Variants in MKRN2OS observed in about 807,000 individuals in gnomAD.
The protein encoded by MKRN2OS is MKRN2 opposite strand protein.
MKRN2OS carries 17 observed loss-of-function variants against 18.2 expected under a neutral mutation model. The ratio of observed to expected loss-of-function variants is 0.93; its 90% CI spans 0.64 to 1.40. The LOEUF is 1.40. Among genes scored for constraint, MKRN2OS ranks in the 40% most tolerant of loss-of-function variants. MKRN2OS has a pLI of 0.00. For synonymous variants in MKRN2OS, 121 were observed against 108.5 expected, an observed-to-expected ratio of 1.12 and a Z score of -0.72; for missense variants, 337 against 283.0, an observed-to-expected ratio of 1.19 and a Z score of -1.37.
chr3:12,560,640 G>C (rs1029845544), intron 1 of MKRN2OS: 1 of 152,284 alleles, frequency 6.6e-6, no homozygotes, highest in Non-Finnish European at 1.5e-5. Flanking sequence ...TGGTGGTTCT[G>C]TGGCCAGCAG....
chr3:12,557,286 G>GA, intron 1 of MKRN2OS: 28 of 1,400,564 alleles, frequency 2.0e-5, no homozygotes, highest in Non-Finnish European at 2.7e-5. Flanking sequence ...GACTCGGAAA[G>GA]TTACTCGGCT....
At chr3:12,552,155 TA>T (rs2057934124), downstream of MKRN2OS, among the ~76,000 whole-genome samples, 1 of 151,606 alleles carries the variant, frequency 6.6e-6, no homozygotes, top group African/African-American at 2.4e-5. Flanking sequence ...CTGTCTCTAC[TA>T]AAAATACAAA....
At chr3:12,543,072 G>C (rs182969821) in intron 2 of MKRN2OS, 108 bp downstream of exon 2, 1 of 909,360 alleles carries the variant, frequency 1.1e-6, no homozygotes, top group Non-Finnish European at 1.7e-6. Flanking sequence ...CAAGAACCCA[G>C]TGAACAATGG....
At position 12,541,310 on chromosome 3, in the gene MKRN2OS, G is replaced by A. The variant is rs1336333076; in HGVS notation, c.431+550C>T. ...GTGATTTCAGCTCACTGCAACCTCC[G>A]CCTCTTGGTTCAAGTGATTCTCCTG... On this transcript the variant is annotated intron_variant, in intron 3 of 3. Coordinates refer to ENST00000564146, the MANE Select transcript of MKRN2OS (RefSeq NM_001195279.2). Among the ~76,000 whole-genome samples the A allele has an allele frequency of 2.0e-5, 3 of 151,898 alleles. 1 individual carries two copies. Among genetic ancestry groups the A allele is most frequent in the South Asian group, 4.2e-4 (2 of 4,816 alleles).
chr3:12,548,934 T>TTTTTA (rs373644486), upstream of MKRN2OS, among the ~76,000 whole-genome samples: 1 of 152,088 alleles, frequency 6.6e-6, no homozygotes, highest in African/African-American at 2.4e-5. Flanking sequence ...GGCATTTTAT[T>TTTTTA]TTTTATTTTA....
intron 2 of MKRN2OS, among the ~76,000 whole-genome samples, chr3:12,542,561 C>A (rs997019127): frequency 2.6e-4 from 39 of 152,068 alleles, no homozygotes; most frequent in Non-Finnish European, 1.3e-4. Flanking sequence ...AGGTGCCTCA[C>A]CTGCCTCACC....
intron 1 of MKRN2OS, chr3:12,557,016 C>T: frequency 3.0e-6 from 3 of 1,000,776 alleles, no homozygotes; most frequent in Non-Finnish European, 3.9e-6. Context: ...AAAGGTGCCA[C>T]ACCGGAGGGG....
chr3:12,541,839 G>A (rs1188561819), intron 3 of MKRN2OS, 21 bp downstream of exon 3: 3 of 1,531,310 alleles, frequency 2.0e-6, no homozygotes, highest in Non-Finnish European at 2.6e-6. Context: ...CAGCGAGGGG[G>A]CAGCATTTGC....
chr3:12,552,654 GCTCA>G (rs752180664), downstream of MKRN2OS, among the ~76,000 whole-genome samples: 151,570 of 151,572 alleles, frequency 1, 75,784 homozygotes, highest in Middle Eastern at 1. Context: ...CAGGTGATTT[GCTCA>G]CCTGGGCCTC....
At chr3:12,542,223 T>A (rs1475572876) in intron 2 of MKRN2OS, among the ~76,000 whole-genome samples, 1 of 152,182 alleles carries the variant, frequency 6.6e-6, no homozygotes, top group East Asian at 1.9e-4. Context: ...TTCCCTGTTA[T>A]CAGCAATCAT....
chr3:12,543,212 GA>G lies in MKRN2OS; in HGVS notation c.235del (p.Ser79LeufsTer7). 6.5e-7 allele frequency: 1 copy of G among 1,535,574 alleles called. No homozygotes were observed. ...GTFLREYDGR[S>X]DLHVGITNTN... ...GTTAGTTATTCCAACATGAAGATCAGACCTTCCATCATACTCTCTGAAAGAA... is the reference window on the plus strand; with the variant it reads ...GTTAGTTATTCCAACATGAAGATCAGCCTTCCATCATACTCTCTGAAAGAA... On this transcript the variant is annotated frameshift_variant, in exon 2 of 4. Coordinates refer to ENST00000564146, the MANE Select transcript of MKRN2OS (RefSeq NM_001195279.2). LOFTEE classifies it high-confidence loss of function.
chr3:12,557,759 C>A (rs1031979006), intron 1 of MKRN2OS, among the ~76,000 whole-genome samples: 2 of 152,220 alleles, frequency 1.3e-5, no homozygotes. Flanking sequence ...CATCAGACTT[C>A]ACAGTAAGAC....
chr3:12,555,344 A>G (rs933880683), intron 1 of MKRN2OS, among the ~76,000 whole-genome samples: 5 of 149,090 alleles, frequency 3.4e-5, no homozygotes, highest in Admixed American at 3.3e-4. Flanking sequence ...TGTAATTTTT[A>G]TGAGCATGAA....
chr3:12,551,936 T>C (rs944104929), downstream of MKRN2OS, among the ~76,000 whole-genome samples: 2 of 151,864 alleles, frequency 1.3e-5, no homozygotes, highest in Non-Finnish European at 2.9e-5. Context: ...AGTGAGACTC[T>C]GTCTCAGAAA....
intron 3 of MKRN2OS, 138 bp downstream of exon 3, chr3:12,541,721 GT>G: frequency 1.1e-6 from 1 of 933,352 alleles, no homozygotes; most frequent in Non-Finnish European, 1.5e-6. Flanking sequence ...TTTAAATTCT[GT>G]TAGAGATGCT....
chr3:12,544,346 A>G (rs1180495775), intron 1 of MKRN2OS, among the ~76,000 whole-genome samples: 2 of 152,064 alleles, frequency 1.3e-5, no homozygotes, highest in African/African-American at 4.8e-5. Flanking sequence ...TGCTGGGCCG[A>G]TCCTAATCCT....
At chr3:12,555,077 A>G (rs2057956857) in intron 1 of MKRN2OS, among the ~76,000 whole-genome samples, 2 of 152,230 alleles carry the variant, frequency 1.3e-5, no homozygotes, top group Non-Finnish European at 2.9e-5. Flanking sequence ...TGGGAGGCCG[A>G]GGCGGGTGGA....
At chr3:12,545,173 A>G in intron 1 of MKRN2OS, 74 bp downstream of exon 1, 1 of 1,244,736 alleles carries the variant, frequency 8.0e-7, no homozygotes, top group African/African-American at 1.5e-5. Flanking sequence ...TGTATTAAGA[A>G]AAGGAAACTT....
intron 1 of MKRN2OS, among the ~76,000 whole-genome samples, chr3:12,544,384 A>G (rs1005970112): frequency 6.6e-6 from 1 of 152,182 alleles, no homozygotes; most frequent in South Asian, 2.1e-4. Flanking sequence ...GGACAATAAA[A>G]TATAAACCTG....
Sources: gnomAD v4.1 joint callset for allele counts (sites outside exome capture counted in the v4.1 genomes callset) on GRCh38, gnomAD v4.1.1 for gene constraint, MANE v1.5 for transcripts, NCBI Gene and HGNC (gene_info 2026-07-23, HGNC 2026-07-21) for gene names.